Variants in MTIF2 observed in about 807,000 individuals in gnomAD.
MTIF2 encodes the protein translation initiation factor IF-2, mitochondrial.
A neutral mutation model predicts 83.5 loss-of-function variants in MTIF2; 71 were observed. That is an observed-to-expected ratio of 0.85 (90% CI 0.70 to 1.04). The LOEUF (loss-of-function observed/expected upper bound fraction) is 1.04. Among genes scored for constraint, MTIF2 ranks in the 50% least tolerant of loss-of-function variants. The pLI is 0.00. For missense variants in MTIF2, 957 were observed against 846.5 expected (o/e 1.13, Z -1.62); for synonymous variants, 319 against 287.1 (o/e 1.11, Z -1.12).
chr2:55,237,566 T>C, intron 14 of MTIF2, 138 bp from the exon 15 acceptor site: 1 of 614,136 alleles, frequency 1.6e-6, no homozygotes, highest in Non-Finnish European at 2.5e-6. Context: ...TGGGTTTCTT[T>C]AACTCCAATT....
chr2:55,265,239 G>A (rs1330267301), intron 3 of MTIF2, among the ~76,000 whole-genome samples: 3 of 136,124 alleles, frequency 2.2e-5, no homozygotes, highest in African/African-American at 5.6e-5. Context: ...ACAAAACTCT[G>A]TCTTGAAAAA....
intron 14 of MTIF2, among the ~76,000 whole-genome samples, chr2:55,239,044 C>G (rs1676104327): frequency 1.3e-5 from 2 of 152,260 alleles, no homozygotes; most frequent in South Asian, 4.2e-4. Flanking sequence ...TCAAAAATGT[C>G]AAGGTCAAAA....
At position 55,237,405 on chromosome 2, in the gene MTIF2, A is replaced by C; in HGVS notation, c.1894T>G (p.Phe632Val). Residue 632 changes from phenylalanine (F) to valine (V), a missense_variant, in exon 15 of 16, where the codon TTC becomes GTC. Phe to Val is a conservative substitution (Grantham distance 50). Around this residue, in one of 3 missense-constraint regions of MTIF2, gnomAD observed 221 missense variants for 180.6 expected, o/e 1.22. Transcript: ENST00000263629. ...TTTTTCTTCCCTTCTGTTACAGAGA[A>C]GGTAGCTAGTATAGATGCCTCACCT... is the stretch of plus-strand genomic sequence containing the variant. ...PVGEASILAT[F>V]SVTEGKKKVP... 1 of 1,612,648 alleles carries C rather than the reference A, an allele frequency of 6.2e-7. No individual in the cohort carries two copies. The highest frequency in any genetic ancestry group is 8.5e-7 in the Non-Finnish European group (1 of 1,179,860).
chr2:55,262,541 CTTTTTTTTTTTTTTTTTTT>C, intron 4 of MTIF2, 114 bp from the exon 5 acceptor site: 1 of 284,122 alleles, frequency 3.5e-6, no homozygotes. Flanking sequence ...CTTTTTTTTT[CTTTTTTTTTTTTTTTTTTT>C]GAGACAGACT....
Position 55,254,167 on chromosome 2 carries a change from AC to A in MTIF2, c.537del (p.Arg179SerfsTer7). 1 of 1,613,988 alleles carries A rather than the reference AC, an allele frequency of 6.2e-7. No homozygotes were observed. On this transcript the variant is annotated frameshift_variant, in exon 7 of 16. Coordinates refer to ENST00000263629, the MANE Select transcript of MTIF2 (RefSeq NM_002453.3). LOFTEE classifies it high-confidence loss of function. ...PQADPALLTP[R>X]SPVVTIMGHV... The stretch of plus-strand genomic sequence containing the variant: ...TGGCCCATTATAGTAACAACTGGGG[AC>A]CTTGGGGTTAATAAAGCTGGATCTG...
intron 5 of MTIF2, among the ~76,000 whole-genome samples, chr2:55,256,021 T>C (rs1228988311): frequency 1.3e-5 from 2 of 152,162 alleles, no homozygotes; most frequent in South Asian, 2.1e-4. Context: ...GGACTGCAAG[T>C]GCACGCCACC....
At chr2:55,265,283 T>C (rs1678347933) in intron 3 of MTIF2, among the ~76,000 whole-genome samples, 2 of 151,236 alleles carry the variant, frequency 1.3e-5, no homozygotes, top group South Asian at 4.2e-4. Context: ...TGTTTTCTTC[T>C]TAGGAAACAT....
At position 55,242,329 on chromosome 2, in the gene MTIF2, CTT is replaced by C. The variant is rs544005573; in HGVS notation, c.1705+609_1705+610del. On this transcript the variant is annotated intron_variant, in intron 13 of 15. Coordinates refer to ENST00000263629, the MANE Select transcript of MTIF2 (RefSeq NM_002453.3). Reference sequence around the variant, plus strand: ...AATCAAGTCAGGTTTCAAAGCATCTCTTTCCTAAATGATTCCTAATCACTCAA... The same window carrying C: ...AATCAAGTCAGGTTTCAAAGCATCTCTCCTAAATGATTCCTAATCACTCAA... Among the ~76,000 whole-genome samples, 505 of 152,274 alleles carry C rather than the reference CTT, an allele frequency of 3.3e-3. 1 individual carries two copies. Among genetic ancestry groups the C allele is most frequent in the Non-Finnish European group, 5.0e-3 (339 of 68,032 alleles).
chr2:55,240,650 C>A (rs534203934), intron 13 of MTIF2, among the ~76,000 whole-genome samples: 1 of 152,232 alleles, frequency 6.6e-6, no homozygotes, highest in South Asian at 2.1e-4. Context: ...AGTACGTTTT[C>A]CAATTGATGA....
chr2:55,263,102 C>A (rs778381768), intron 4 of MTIF2, among the ~76,000 whole-genome samples: 10 of 152,174 alleles, frequency 6.6e-5, no homozygotes, highest in Non-Finnish European at 1.0e-4. Flanking sequence ...ACCTTGTGAT[C>A]TGCCCACCTT....
chr2:55,262,350 A>C lies in MTIF2; in HGVS notation c.297T>G (p.Ile99Met). Residue 99 changes from isoleucine (I) to methionine (M), a missense_variant, in exon 5 of 16, where the codon ATT becomes ATG. This residue lies in a region of MTIF2 where 733 missense variants were observed against 648.7 expected (regional missense o/e 1.13). Transcript: ENST00000263629. ...TTTCCATTGCCCTGGCCAGTTCCTC[A>C]ATAGTCATTCCAATCCATACTTCTA... is the stretch of plus-strand genomic sequence containing the variant. ...KVVEVWIGMT[I>M]EELARAMEKN... is the part of the protein sequence containing the mutation. 6.2e-7 allele frequency: 1 copy of C among 1,613,540 alleles called. No individual in the cohort carries two copies. The highest frequency in any genetic ancestry group is 2.2e-5 in the East Asian group (1 of 44,818).
At position 55,252,628 on chromosome 2, in the gene MTIF2, T is replaced by G; in HGVS notation, c.690A>C (p.Ile230=). The change falls in exon 8 of 16, where the codon ATA becomes ATC. Residue 230 remains isoleucine (I), a synonymous_variant. Transcript: ENST00000263629. Reference sequence around the variant, plus strand: ...CATGTCCTGGAGTATCAAGAAAAGTTATCTTTTCCCCAGAAGGCAGAGAGA... The same window carrying G: ...CATGTCCTGGAGTATCAAGAAAAGTGATCTTTTCCCCAGAAGGCAGAGAGA... ...FLVSLPSGEK[I]TFLDTPGHAA... 6.2e-7 allele frequency: 1 copy of G among 1,613,432 alleles called. No homozygotes were observed. The highest frequency in any genetic ancestry group is 8.5e-7 in the Non-Finnish European group (1 of 1,179,668).
intron 9 of MTIF2, among the ~76,000 whole-genome samples, chr2:55,248,369 G>A (rs1676852359): frequency 6.6e-6 from 1 of 151,980 alleles, no homozygotes; most frequent in African/African-American, 2.4e-5. Flanking sequence ...AACACATTTA[G>A]GAAAAGTAAA....
At position 55,236,660 on chromosome 2, in the gene MTIF2, A is replaced by G; in HGVS notation, c.2172T>C (p.Asp724=). 6.3e-7 allele frequency: 1 copy of G among 1,587,674 alleles called. No homozygotes were observed. Among genetic ancestry groups the G allele is most frequent in the Non-Finnish European group, 8.5e-7 (1 of 1,172,426 alleles). ...TTTTAATGTAATTTTAAAATCCTGGATCCCAAGAAGTCTTGGCTTGAATTT... is the reference window on the plus strand; with the variant it reads ...TTTTAATGTAATTTTAAAATCCTGGGTCCCAAGAAGTCTTGGCTTGAATTT... ...EKQIQAKTSW[D]PGF is the part of the protein sequence containing the mutation. The change falls in exon 16 of 16, where the codon GAT becomes GAC. Residue 724 remains aspartate, a synonymous_variant. Coordinates refer to ENST00000263629, the MANE Select transcript of MTIF2 (RefSeq NM_002453.3).
At chr2:55,266,916 T>C (rs943640666) in intron 3 of MTIF2, among the ~76,000 whole-genome samples, 2 of 151,780 alleles carry the variant, frequency 1.3e-5, no homozygotes, top group African/African-American at 2.4e-5. Flanking sequence ...ACTACAGGTG[T>C]GTGCCACCGT....
At chr2:55,257,192 G>C (rs557613675) in intron 5 of MTIF2, among the ~76,000 whole-genome samples, 15 of 152,126 alleles carry the variant, frequency 9.9e-5, no homozygotes, top group African/African-American at 3.1e-4. Flanking sequence ...AGATATGAAA[G>C]AAGGCAGCCG....
chr2:55,251,525 T>C (rs1262965093), intron 8 of MTIF2, among the ~76,000 whole-genome samples: 1 of 152,206 alleles, frequency 6.6e-6, no homozygotes, highest in Non-Finnish European at 1.5e-5. Context: ...TTAAAAATCT[T>C]GCCAGTAAAT....
At chr2:55,236,863 A>G in intron 15 of MTIF2, 43 bp from the exon 16 acceptor site, 1 of 1,411,912 alleles carries the variant, frequency 7.1e-7, no homozygotes, top group South Asian at 1.4e-5. Context: ...AATAAATGAT[A>G]AGTACCTACT....
Position 55,269,222 on chromosome 2 carries a change from C to G in MTIF2, c.-290G>C, listed in dbSNP as rs75043639. On this transcript the variant is annotated 5_prime_UTR_variant, in exon 1 of 16. Coordinates refer to ENST00000263629, the MANE Select transcript of MTIF2 (RefSeq NM_002453.3). ...CACGGGCGGAGATCACCTTCTGGAC[C>G]CGGAAGAATGGTCGGTAGGTCAGTC... The G allele has an allele frequency of 2.0e-5, 3 of 152,290 alleles. No individual in the cohort carries two copies. The South Asian group carries it at 6.2e-4, about 32-fold the overall frequency. The allele number at this position is 152,290 out of a possible 1,614,324, so 9.4% of individuals were successfully genotyped here.
Sources: allele counts gnomAD v4.1 joint callset (sites outside exome capture counted in the v4.1 genomes callset), GRCh38; gene constraint gnomAD v4.1.1; regional missense constraint gnomAD v4.1.1; transcripts MANE v1.5; gene names NCBI Gene and HGNC (gene_info 2026-07-23, HGNC 2026-07-21).